Variants in HIVEP3 observed in about 807,000 individuals in gnomAD.
The protein encoded by HIVEP3 is HIVEP zinc finger 3.
Under a neutral mutation model 152.8 loss-of-function variants are expected in HIVEP3, and 49 were observed. The ratio of observed to expected loss-of-function variants is 0.32; its 90% confidence interval spans 0.26 to 0.41. The LOEUF (loss-of-function observed/expected upper bound fraction) is 0.41, where lower values mean the gene tolerates loss of function less well. Ranked by LOEUF, HIVEP3 falls within the 10% of genes least tolerant of loss-of-function variation. The probability of loss-of-function intolerance (pLI) is 1.00; values close to 1 mark genes in which losing one functional copy is unlikely to be tolerated. For missense variants in HIVEP3, 2,790 were observed against 3,103.3 expected, an observed-to-expected ratio of 0.90 and a Z score of 2.40; for synonymous variants, 1,269 against 1,289.0, an observed-to-expected ratio of 0.98 and a Z score of 0.33.
intron 2 of HIVEP3, among the ~76,000 whole-genome samples, chr1:41,696,230 A>G (rs1646272069): frequency 6.6e-6 from 1 of 152,226 alleles, no homozygotes; most frequent in Non-Finnish European, 1.5e-5. Flanking sequence ...CAGCTGTTCC[A>G]GCTCCAGTCA....
chr1:41,906,731 T>C lies in HIVEP3; in HGVS notation c.-801+11682A>G, dbSNP rs189337571. ...TATTTTAACAAGAGACTTGATGTCA[T>C]GCAGTCAAAAGTGAACTGTGCTATG... On this transcript the variant is annotated intron_variant, in intron 1 of 8. Coordinates refer to ENST00000372583, the MANE Select transcript of HIVEP3 (RefSeq NM_024503.5). Among the ~76,000 whole-genome samples, 238 of 152,344 alleles carry C rather than the reference T, an allele frequency of 1.6e-3. 1 individual carries two copies. Among genetic ancestry groups the C allele is most frequent in the African/African-American group, 5.3e-3 (221 of 41,588 alleles).
chr1:41,958,267 G>A (rs1363853474), intron 1 of HIVEP3, among the ~76,000 whole-genome samples: 1 of 152,238 alleles, frequency 6.6e-6, no homozygotes, highest in African/African-American at 2.4e-5. Context: ...GCTGTGTGGT[G>A]CCTTGGGCAT....
At chr1:41,544,860 A>G (rs1253172029) in intron 5 of HIVEP3, among the ~76,000 whole-genome samples, 1 of 116,610 alleles carries the variant, frequency 8.6e-6, no homozygotes, top group Admixed American at 8.0e-5. Flanking sequence ...CACCACCACC[A>G]CCACCACCAC....
chr1:41,890,845 A>G (rs1644434988), intron 1 of HIVEP3, among the ~76,000 whole-genome samples: 1 of 152,124 alleles, frequency 6.6e-6, no homozygotes, highest in South Asian at 2.1e-4. Flanking sequence ...TCCTTATATA[A>G]CCTGCACATT....
At chr1:41,558,265 C>G (rs1369125921) in intron 5 of HIVEP3, among the ~76,000 whole-genome samples, 2 of 152,174 alleles carry the variant, frequency 1.3e-5, no homozygotes, top group African/African-American at 2.4e-5. Context: ...ATCTGCAGAG[C>G]CTGTTGGAGC....
chr1:41,818,974 G>A (rs1642503476), intron 1 of HIVEP3, among the ~76,000 whole-genome samples: 1 of 152,152 alleles, frequency 6.6e-6, no homozygotes, highest in South Asian at 2.1e-4. Flanking sequence ...AATTCCCAGA[G>A]CCTCATGAAG....
chr1:41,845,868 A>T (rs1394549845), intron 1 of HIVEP3, among the ~76,000 whole-genome samples: 1 of 152,124 alleles, frequency 6.6e-6, no homozygotes, highest in Non-Finnish European at 1.5e-5. Context: ...GGAGTTCAAG[A>T]CCAGCCTGGC....
At chr1:41,591,542 T>C (rs1184322882) in intron 3 of HIVEP3, among the ~76,000 whole-genome samples, 1 of 151,972 alleles carries the variant, frequency 6.6e-6, no homozygotes, top group African/African-American at 2.4e-5. Context: ...GAACTGATAA[T>C]CATGGATGAA....
chr1:41,746,677 C>G (rs1570448718), intron 1 of HIVEP3, among the ~76,000 whole-genome samples: 2 of 151,750 alleles, frequency 1.3e-5, no homozygotes, highest in Middle Eastern at 6.8e-3. Flanking sequence ...TGGCACTTAG[C>G]TAAGCCAAAC....
At chr1:41,671,416 A>G (rs942037508) in intron 2 of HIVEP3, among the ~76,000 whole-genome samples, 2 of 152,214 alleles carry the variant, frequency 1.3e-5, no homozygotes, top group African/African-American at 4.8e-5. Context: ...GAATTGCCGG[A>G]GAAACGAATC....
At chr1:41,531,353 T>A (rs1179918103) in intron 5 of HIVEP3, among the ~76,000 whole-genome samples, 1 of 102,982 alleles carries the variant, frequency 9.7e-6, no homozygotes, top group East Asian at 3.1e-4. Context: ...ACAGGGGAGA[T>A]GGAGGACAGG....
Position 41,582,257 on chromosome 1 carries a change from C to A in HIVEP3, c.2541G>T (p.Leu847Phe), listed in dbSNP as rs770473350. Residue 847 changes from leucine to phenylalanine, a missense_variant, in exon 4 of 9, where the codon TTG becomes TTT. Around this residue, in one of 9 missense-constraint regions of HIVEP3, gnomAD observed 1,078 missense variants for 1,165.3 expected, o/e 0.93. Transcript: ENST00000372583. The surrounding 1 kb of genome is among the most constrained non-coding windows in gnomAD (Gnocchi z 4.7). ...GRSAHSLQPKLVRQPNIQVPE... is the reference protein window; with the variant it reads ...GRSAHSLQPKFVRQPNIQVPE... ...GAACCTGAATGTTGGGCTGGCGGAC[C>A]AACTTAGGCTGCAGGGAGTGAGCAG... The A allele has an allele frequency of 1.9e-6, 3 of 1,613,646 alleles. No homozygotes were observed. The highest frequency in any genetic ancestry group is 1.7e-5 in the Admixed American group (1 of 59,968).
At chr1:41,943,681 T>A (rs1645059203) in intron 1 of HIVEP3, among the ~76,000 whole-genome samples, 1 of 152,220 alleles carries the variant, frequency 6.6e-6, no homozygotes, top group African/African-American at 2.4e-5. Context: ...AAACCTAAAA[T>A]TCTCAGTGTC....
chr1:41,595,462 T>C (rs1163962970), intron 3 of HIVEP3, among the ~76,000 whole-genome samples: 2 of 152,188 alleles, frequency 1.3e-5, no homozygotes, highest in East Asian at 1.9e-4. Context: ...TGGTGGGACA[T>C]GCCGAGAAAG....
chr1:41,920,538 A>G (rs893090292), upstream of HIVEP3, among the ~76,000 whole-genome samples: 1 of 151,888 alleles, frequency 6.6e-6, no homozygotes, highest in African/African-American at 2.4e-5. Context: ...CTGTCTTCAC[A>G]CTAAAAAAAA....
At chr1:41,788,150 C>T (rs1305769482) in intron 1 of HIVEP3, among the ~76,000 whole-genome samples, 2 of 152,142 alleles carry the variant, frequency 1.3e-5, no homozygotes, top group Non-Finnish European at 2.9e-5. Flanking sequence ...ATCCAGACAA[C>T]CCACCGCAAG....
intron 5 of HIVEP3, among the ~76,000 whole-genome samples, chr1:41,526,529 ATGCTTACACCCCCACACTCACCCT>A (rs1642920979): frequency 4.0e-5 from 3 of 74,452 alleles, no homozygotes; most frequent in Admixed American, 1.6e-4. Context: ...GCCCTCACAC[ATGCTTACACCCCCACACTCACCCT>A]CACCCTCACA....
At chr1:41,859,595 C>T (rs957657586) in intron 1 of HIVEP3, among the ~76,000 whole-genome samples, 1 of 152,154 alleles carries the variant, frequency 6.6e-6, no homozygotes, top group Admixed American at 6.5e-5. Flanking sequence ...TCTGAAGTTA[C>T]CAAGCCAAAG....
At chr1:41,750,724 C>T (rs1021357908) in intron 1 of HIVEP3, among the ~76,000 whole-genome samples, 1 of 126,224 alleles carries the variant, frequency 7.9e-6, no homozygotes, top group Non-Finnish European at 1.8e-5. Flanking sequence ...TTTTGACACG[C>T]GTCTCGCTCT....
Sources: gnomAD v4.1 joint callset for allele counts (sites outside exome capture counted in the v4.1 genomes callset) on GRCh38, gnomAD v4.1.1 for gene constraint, gnomAD v4.1.1 regional missense constraint, Gnocchi (gnomAD v3.1) non-coding constraint, MANE v1.5 for transcripts, NCBI Gene and HGNC (gene_info 2026-07-23, HGNC 2026-07-21) for gene names.